The following ANKRD66 variants were observed in gnomAD, a reference collection of about 807,000 sequenced individuals.
The protein encoded by ANKRD66 is ankyrin repeat domain-containing protein 66.
ANKRD66 carries 10 observed loss-of-function variants against 10.9 expected under a neutral mutation model. The ratio of observed to expected loss-of-function variants is 0.91; its 90% CI spans 0.56 to 1.55. The LOEUF (loss-of-function observed/expected upper bound fraction) is 1.55. Ranked by LOEUF, ANKRD66 falls within the 40% of genes most tolerant of loss-of-function variation. The pLI is 0.00. For synonymous variants in ANKRD66, 85 were observed against 88.4 expected (o/e 0.96, Z 0.22); for missense variants, 252 against 242.9 (o/e 1.04, Z -0.25).
chr6:46,752,511 A>C (rs190160729), intron 3 of ANKRD66, among the ~76,000 whole-genome samples: 172 of 152,376 alleles, frequency 1.1e-3, no homozygotes, highest in African/African-American at 4.0e-3. Context: ...CTGGGATTAC[A>C]GGCGTGAGCC....
chr6:46,750,790 A>C (rs1469773918), intron 2 of ANKRD66, among the ~76,000 whole-genome samples: 1 of 151,356 alleles, frequency 6.6e-6, no homozygotes, highest in East Asian at 1.9e-4. Flanking sequence ...ATTGTTTGAT[A>C]CTACAACAAT....
chr6:46,749,921 C>A lies in ANKRD66; in HGVS notation c.-71C>A. 1 of 1,550,614 alleles carries A rather than the reference C, an allele frequency of 6.4e-7. No homozygotes were observed. The highest frequency in any genetic ancestry group is 8.7e-7 in the Non-Finnish European group (1 of 1,146,214). ...GGCTGTTCTCACATTTCAATGCACTCACCTGGAGGGCTTACCACAACAAAG... is the reference window on the plus strand; with the variant it reads ...GGCTGTTCTCACATTTCAATGCACTAACCTGGAGGGCTTACCACAACAAAG... On this transcript the variant is annotated 5_prime_UTR_variant, in exon 2 of 5. An upstream open reading frame in the 5' UTR gains an earlier in-frame stop. Coordinates refer to ENST00000565422, the MANE Select transcript of ANKRD66 (RefSeq NM_001162435.3).
chr6:46,749,535 T>G (rs1407303832), intron 1 of ANKRD66, among the ~76,000 whole-genome samples: 2 of 146,054 alleles, frequency 1.4e-5, no homozygotes, highest in Non-Finnish European at 3.0e-5. Flanking sequence ...GGCATAATTT[T>G]TTTTTCTCTT....
intron 1 of ANKRD66, among the ~76,000 whole-genome samples, chr6:46,749,555 C>A (rs7766750): frequency 0.16 from 8,372 of 52,422 alleles, 654 homozygotes; most frequent in Middle Eastern, 0.32. Flanking sequence ...TTTATTCCCC[C>A]CCCCCCCCCC....
chr6:46,750,219 T>A (rs1766239775), intron 2 of ANKRD66, among the ~76,000 whole-genome samples: 1 of 152,176 alleles, frequency 6.6e-6, no homozygotes, highest in Non-Finnish European at 1.5e-5. Context: ...CAGAGCTTCT[T>A]TCTACTCTTA....
chr6:46,757,543 T>A (rs1197169513), intron 4 of ANKRD66: 1 of 152,176 alleles, frequency 6.6e-6, no homozygotes, highest in Non-Finnish European at 1.5e-5. Context: ...CTGCGTGGGA[T>A]TGAAGACTGC....
At chr6:46,752,846 G>A (rs1257727526) in intron 3 of ANKRD66, among the ~76,000 whole-genome samples, 9 of 152,198 alleles carry the variant, frequency 5.9e-5, no homozygotes. Flanking sequence ...CAGAATTAGA[G>A]GAAGATAGTG....
At chr6:46,757,967 C>G (rs1452248881) in intron 4 of ANKRD66, 4 of 152,188 alleles carry the variant, frequency 2.6e-5, no homozygotes, top group African/African-American at 9.7e-5. Context: ...ATTGAAAGGT[C>G]ACTTCCAGCT....
Position 46,752,114 on chromosome 6 carries a change from G to C in ANKRD66, c.163+3G>C, listed in dbSNP as rs1432408593. The stretch of plus-strand genomic sequence containing the variant: ...ACTTCACTGGGCTGCAATCAAAGGT[G>C]AGTGGGCAATGCTTAGGTAGATCTG... On this transcript the variant is annotated splice_donor_region_variant and intron_variant, in intron 3 of 4. Transcript: ENST00000565422. The C allele has an allele frequency of 4.9e-5, 72 of 1,473,412 alleles. No homozygotes were observed. Among genetic ancestry groups the C allele is most frequent in the Non-Finnish European group, 6.2e-5 (69 of 1,114,070 alleles). The allele number at this position is 1,473,412 out of a possible 1,614,324, so 91.3% of individuals were successfully genotyped here. A position where few individuals can be genotyped will look rare whatever the true frequency, so the allele number is the denominator to read the frequency against.
chr6:46,750,675 T>C (rs938149439), intron 2 of ANKRD66, among the ~76,000 whole-genome samples: 1 of 148,622 alleles, frequency 6.7e-6, no homozygotes, highest in Admixed American at 6.7e-5. Context: ...TATATACACA[T>C]ATACACATGT....
chr6:46,755,601 C>G (rs1766366333), intron 4 of ANKRD66, among the ~76,000 whole-genome samples: 1 of 152,138 alleles, frequency 6.6e-6, no homozygotes, highest in East Asian at 1.9e-4. Context: ...GAAGGCCATT[C>G]ATTATTCGTG....
chr6:46,748,441 T>G (rs970488556), intron 1 of ANKRD66, among the ~76,000 whole-genome samples: 3 of 152,208 alleles, frequency 2.0e-5, no homozygotes, highest in Non-Finnish European at 4.4e-5. Flanking sequence ...AGCGAAAAAC[T>G]TCTAGATACT....
chr6:46,756,516 T>C (rs1243906518), intron 4 of ANKRD66: 3 of 155,326 alleles, frequency 1.9e-5, no homozygotes, highest in African/African-American at 4.8e-5. Context: ...TAGTTTTATA[T>C]AGCCTTGGAA....
intron 3 of ANKRD66, among the ~76,000 whole-genome samples, chr6:46,753,099 G>A (rs1766303642): frequency 6.6e-6 from 1 of 152,198 alleles, no homozygotes; most frequent in African/African-American, 2.4e-5. Context: ...GATTTGCTAT[G>A]TGCTGGGCAC....
At chr6:46,749,767 C>T in intron 1 of ANKRD66, 129 bp from the exon 2 acceptor site, 2 of 1,158,284 alleles carry the variant, frequency 1.7e-6, no homozygotes, top group East Asian at 3.0e-5. Context: ...GCATCAGGAC[C>T]CAGCTTAGGC....
chr6:46,749,717 A>C (rs7766818), intron 1 of ANKRD66, among the ~76,000 whole-genome samples, 179 bp from the exon 2 acceptor site: 47,432 of 151,480 alleles, frequency 0.31, 10,660 homozygotes, highest in African/African-American at 0.64. Context: ...AGCTGGGGAT[A>C]CTCCACCTCC....
chr6:46,750,181 C>T (rs1044593124), intron 2 of ANKRD66, among the ~76,000 whole-genome samples: 2 of 152,240 alleles, frequency 1.3e-5, no homozygotes, highest in South Asian at 4.1e-4. Context: ...TCCTTCTTTA[C>T]GTCAGCAGCT....
In ANKRD66 at chr6:46,753,788, G is replaced by A. The variant is rs1274325021; in HGVS notation, c.230G>A (p.Gly77Asp). 1.3e-6 allele frequency: 2 copies of A among 1,551,534 alleles called. No individual in the cohort carries two copies. The highest frequency in any genetic ancestry group is 2.4e-5 in the East Asian group (1 of 40,916). The change falls in exon 4 of 5, where the codon GGC (glycine) becomes GAC (aspartate). Residue 77 changes from glycine (G) to aspartate (D), a missense_variant. Gly to Asp is a moderately conservative substitution (Grantham distance 94). Coordinates refer to ENST00000565422, the MANE Select transcript of ANKRD66 (RefSeq NM_001162435.3). ...GARPCLVTSV[G>D]WTPAHFAAEA... is the part of the protein sequence containing the mutation. ...AGGCCCTGCCTGGTTACTAGTGTGG[G>A]CTGGACCCCAGCTCATTTTGCAGCA...
chr6:46,750,253 G>A (rs1002688496), intron 2 of ANKRD66, among the ~76,000 whole-genome samples: 1 of 152,090 alleles, frequency 6.6e-6, no homozygotes, highest in Non-Finnish European at 1.5e-5. Context: ...GCCCCAGAGA[G>A]CTTTTGTTTA....
Sources: gnomAD v4.1 joint callset for allele counts (sites outside exome capture counted in the v4.1 genomes callset) on GRCh38, gnomAD v4.1.1 for gene constraint, MANE v1.5 for transcripts, NCBI Gene and HGNC (gene_info 2026-07-23, HGNC 2026-07-21) for gene names.